Variants in TAF15 observed in about 807,000 individuals in gnomAD.
The protein encoded by TAF15 is TATA-box binding protein associated factor 15.
TAF15 carries 37 observed loss-of-function variants against 102.5 expected under a neutral mutation model. The ratio of observed to expected loss-of-function variants is 0.36; its 90% CI spans 0.28 to 0.47. The LOEUF (loss-of-function observed/expected upper bound fraction) is 0.47, where lower values mean the gene tolerates loss of function less well. Among genes scored for constraint, TAF15 ranks in the 20% least tolerant of loss-of-function variants. The pLI, the probability that TAF15 is intolerant of heterozygous loss-of-function variation, is 0.99. For synonymous variants in TAF15, 273 were observed against 259.2 expected (o/e 1.05, Z -0.51); for missense variants, 652 against 760.7 (o/e 0.86, Z 1.68).
chr17:35,836,005 TA>T, intron 9 of TAF15, 126 bp from the exon 10 acceptor site: 1 of 679,032 alleles, frequency 1.5e-6, no homozygotes, highest in Non-Finnish European at 2.6e-6. Context: ...GTTGTTCTTA[TA>T]TTGGTCCTTT....
chr17:35,820,326 C>A lies in TAF15; in HGVS notation c.185-6C>A, dbSNP rs1209454717. 1 of 1,613,858 alleles carries A rather than the reference C, an allele frequency of 6.2e-7. No individual in the cohort carries two copies. Among genetic ancestry groups the A allele is most frequent in the Middle Eastern group, 1.7e-4 (1 of 6,060 alleles). On this transcript the variant is annotated splice_polypyrimidine_tract_variant and splice_region_variant and intron_variant, in intron 4 of 15. Transcript: ENST00000605844. Reference sequence around the variant, plus strand: ...TCACTAAATGATATACTCATCTAATCTTTAGGTTATTCACAGTCCTATGGT... The same window carrying A: ...TCACTAAATGATATACTCATCTAATATTTAGGTTATTCACAGTCCTATGGT...
At chr17:35,836,674 A>G (rs2087478895) in intron 10 of TAF15, among the ~76,000 whole-genome samples, 1 of 152,144 alleles carries the variant, frequency 6.6e-6, no homozygotes, top group Non-Finnish European at 1.5e-5. Flanking sequence ...ATTTTCATGC[A>G]TATGTTTTTC....
intron 9 of TAF15, among the ~76,000 whole-genome samples, chr17:35,834,945 CA>C (rs2087456712): frequency 6.6e-6 from 1 of 151,856 alleles, no homozygotes; most frequent in Non-Finnish European, 1.5e-5. Flanking sequence ...AGGGTTTCAC[CA>C]TGCTGGCCAG....
At chr17:35,845,489 C>T (rs570336649) in intron 15 of TAF15, among the ~76,000 whole-genome samples, 1 of 152,276 alleles carries the variant, frequency 6.6e-6, no homozygotes, top group East Asian at 1.9e-4. Flanking sequence ...CTCCTGGCCT[C>T]AAGCATTCCT....
At chr17:35,838,685 A>T (rs1250610789) in intron 11 of TAF15, 132 bp downstream of exon 11, 1 of 1,313,292 alleles carries the variant, frequency 7.6e-7, no homozygotes, top group Non-Finnish European at 1.1e-6. Flanking sequence ...ACAGGTCAGA[A>T]TTTTTATGTA....
chr17:35,831,368 C>CT (rs2087403537), intron 7 of TAF15, among the ~76,000 whole-genome samples: 2 of 150,030 alleles, frequency 1.3e-5, no homozygotes, highest in African/African-American at 4.9e-5. Flanking sequence ...GATCGCGCCA[C>CT]TGCACTCCAG....
At position 35,820,077 on chromosome 17, in the gene TAF15, T is replaced by G; in HGVS notation, c.99+2T>G. ...CAAGGCTATGGACAAGCATCACAAG[T>G]AGGTTGAAATATAAATTGTATTCTT... On this transcript the variant is annotated splice_donor_variant, in intron 3 of 15. Transcript: ENST00000605844. LOFTEE classifies it high-confidence loss of function. The G allele has an allele frequency of 6.2e-7, 1 of 1,614,034 alleles. No homozygotes were observed. Among genetic ancestry groups the G allele is most frequent in the Non-Finnish European group, 8.5e-7 (1 of 1,179,900 alleles).
At chr17:35,832,543 G>A (rs76858978) in intron 7 of TAF15, among the ~76,000 whole-genome samples, 3,244 of 152,062 alleles carry the variant, frequency 0.021, 67 homozygotes, top group East Asian at 0.11. Context: ...TAGAGTTGAG[G>A]GTTCCTCCCC....
intron 10 of TAF15, among the ~76,000 whole-genome samples, chr17:35,837,546 G>A (rs948826850): frequency 2.6e-5 from 4 of 151,964 alleles, no homozygotes; most frequent in African/African-American, 7.3e-5. Context: ...ACATATTTAC[G>A]GCCGGGCGTG....
chr17:35,809,796 G>A (rs2087103431), intron 1 of TAF15: 1 of 636,258 alleles, frequency 1.6e-6, no homozygotes. Flanking sequence ...CGGGCCTCTT[G>A]TCTTTTGACC....
At chr17:35,811,654 A>G (rs967201407) in intron 1 of TAF15, 2 of 152,216 alleles carry the variant, frequency 1.3e-5, no homozygotes, top group Admixed American at 1.3e-4. Flanking sequence ...TTAATATATC[A>G]AATTGACTCA....
chr17:35,837,663 T>C (rs1025290679), intron 10 of TAF15, among the ~76,000 whole-genome samples: 4 of 151,640 alleles, frequency 2.6e-5, no homozygotes, highest in African/African-American at 4.8e-5. Context: ...CTGTCTCTAC[T>C]GAAAATACAA....
At chr17:35,829,509 G>A (rs1175225348) in intron 7 of TAF15, among the ~76,000 whole-genome samples, 2 of 150,588 alleles carry the variant, frequency 1.3e-5, no homozygotes, top group Non-Finnish European at 3.0e-5. Context: ...GCGGGCACTT[G>A]TAGTCCCAGC....
chr17:35,832,721 T>A (rs1170599942), intron 7 of TAF15, among the ~76,000 whole-genome samples: 2 of 152,180 alleles, frequency 1.3e-5, no homozygotes, highest in African/African-American at 4.8e-5. Flanking sequence ...ATATGAATCT[T>A]AAAGGATTAC....
At chr17:35,826,115 C>T (rs879301929) in intron 7 of TAF15, among the ~76,000 whole-genome samples, 12 of 152,286 alleles carry the variant, frequency 7.9e-5, no homozygotes, top group South Asian at 2.1e-4. Flanking sequence ...TTGCAACATA[C>T]TTCATATAAT....
At chr17:35,843,543 C>T (rs1940173119) in intron 12 of TAF15, among the ~76,000 whole-genome samples, 1 of 152,038 alleles carries the variant, frequency 6.6e-6, no homozygotes, top group Non-Finnish European at 1.5e-5. Flanking sequence ...GTCTTCTCAC[C>T]TAATCTTCTT....
chr17:35,811,632 A>G (rs1205794131), intron 1 of TAF15: 3 of 152,234 alleles, frequency 2.0e-5, no homozygotes, highest in Non-Finnish European at 4.4e-5. Flanking sequence ...ATTCCAGACT[A>G]CACATGTAAA....
chr17:35,831,444 T>C (rs2087404721), intron 7 of TAF15, among the ~76,000 whole-genome samples: 1 of 151,908 alleles, frequency 6.6e-6, no homozygotes, highest in African/African-American at 2.4e-5. Flanking sequence ...ATGTATTATA[T>C]GGAGGAATAG....
Position 35,820,345 on chromosome 17 carries a change from C to A in TAF15, c.198C>A (p.Ser66=). Residue 66 remains serine (S), a synonymous_variant, in exon 5 of 16, where the codon TCC becomes TCA. Transcript: ENST00000605844. ...YGQSQSGYSQ[S]YGGYENQKQS... ...TCTAATCTTTAGGTTATTCACAGTCCTATGGTGGTTATGAGAATCAAAAGC... is the reference window on the plus strand; with the variant it reads ...TCTAATCTTTAGGTTATTCACAGTCATATGGTGGTTATGAGAATCAAAAGC... The A allele has an allele frequency of 6.2e-7, 1 of 1,613,926 alleles. No individual in the cohort carries two copies. The highest frequency in any genetic ancestry group is 8.5e-7 in the Non-Finnish European group (1 of 1,179,908).
Sources: allele counts gnomAD v4.1 joint callset (sites outside exome capture counted in the v4.1 genomes callset), GRCh38; gene constraint gnomAD v4.1.1; transcripts MANE v1.5; gene names NCBI Gene and HGNC (gene_info 2026-07-23, HGNC 2026-07-21).